PHACTR3: variants seen among roughly 807,000 people sequenced by gnomAD.
The protein encoded by PHACTR3 is protein phosphatase 1, regulatory subunit 123.
A neutral mutation model predicts 66.8 loss-of-function variants in PHACTR3; 16 were observed. The observed-to-expected ratio is 0.24, with a 90% CI of 0.16 to 0.36. PHACTR3 has a LOEUF of 0.36. PHACTR3 is among the 10% of genes least tolerant of loss of function. PHACTR3 has a pLI of 1.00. For synonymous variants in PHACTR3, 323 were observed against 292.1 expected, an observed-to-expected ratio of 1.11 and a Z score of -1.08; for missense variants, 647 against 719.9, an observed-to-expected ratio of 0.90 and a Z score of 1.16.
intron 1 of PHACTR3, among the ~76,000 whole-genome samples, chr20:59,672,121 G>A (rs186066942): frequency 7.2e-5 from 11 of 152,298 alleles, no homozygotes; most frequent in Non-Finnish European, 1.2e-4. Context: ...TTCAGTTGTC[G>A]CAGCTGGGAG....
chr20:59,749,407 T>C lies in PHACTR3; in HGVS notation c.358+1572T>C, dbSNP rs115234090. ...TTAAAGGGGAAAACTTCTAGGAGCGTTGGCTTTTTTCCACTCTGAATTTTT... is the reference window on the plus strand; with the variant it reads ...TTAAAGGGGAAAACTTCTAGGAGCGCTGGCTTTTTTCCACTCTGAATTTTT... On this transcript the variant is annotated intron_variant, in intron 3 of 12. Transcript: ENST00000371015. 8.9e-3 allele frequency among the ~76,000 whole-genome samples: 1,359 copies of C among 152,328 alleles called. 18 individuals are homozygous for C. The highest frequency in any genetic ancestry group is 0.068 in the Middle Eastern group (20 of 294).
chr20:59,724,475 C>T (rs1330477432), intron 1 of PHACTR3, among the ~76,000 whole-genome samples: 1 of 152,140 alleles, frequency 6.6e-6, no homozygotes, highest in Non-Finnish European at 1.5e-5. Context: ...TCCACAGTCT[C>T]TTTGCCTTTG....
At position 59,743,285 on chromosome 20, in the gene PHACTR3, A is replaced by G. The variant is rs767204045; in HGVS notation, c.280+17A>G. ...CAACGTCAGGTAAAGGCCTGGTGAC[A>G]GGCGCGGGCAGGCTGTGGCTGGGAC... is the stretch of plus-strand genomic sequence containing the variant. On this transcript the variant is annotated intron_variant, in intron 2 of 12. Coordinates refer to ENST00000371015, the MANE Select transcript of PHACTR3 (RefSeq NM_080672.5). 12 of 1,612,740 alleles carry G rather than the reference A, an allele frequency of 7.4e-6. No individual in the cohort carries two copies. In the South Asian group the frequency reaches 1.3e-4, roughly 18 times the overall value.
intron 1 of PHACTR3, among the ~76,000 whole-genome samples, chr20:59,668,386 A>G (rs2036070240): frequency 1.3e-5 from 2 of 152,140 alleles, no homozygotes; most frequent in Non-Finnish European, 2.9e-5. Context: ...GTACGGGGTT[A>G]GAGGTGGACA....
At chr20:59,592,588 C>A (rs547194873) in intron 1 of PHACTR3, among the ~76,000 whole-genome samples, 1 of 152,252 alleles carries the variant, frequency 6.6e-6, no homozygotes, top group African/African-American at 2.4e-5. Flanking sequence ...TGACACCTAC[C>A]CCTCATTATA....
chr20:59,602,072 T>A (rs2033492606), upstream of PHACTR3, among the ~76,000 whole-genome samples: 1 of 152,182 alleles, frequency 6.6e-6, no homozygotes, highest in Admixed American at 6.5e-5. Context: ...CCATTCTTTG[T>A]CCTTATGGTA....
intron 1 of PHACTR3, among the ~76,000 whole-genome samples, chr20:59,699,370 C>T (rs2037412253): frequency 1.3e-5 from 2 of 152,086 alleles, no homozygotes; most frequent in South Asian, 2.1e-4. Context: ...ATGCTGATAC[C>T]TCATTTACCC....
chr20:59,622,981 C>CAAAAAAGAAAAAAAAA (rs2034300610), intron 1 of PHACTR3, among the ~76,000 whole-genome samples: 1 of 32,216 alleles, frequency 3.1e-5, no homozygotes, highest in South Asian at 1.9e-3. Context: ...CAGCTTTAAC[C>CAAAAAAGAAAAAAAAA]AAAAAAAAAA....
intron 8 of PHACTR3, among the ~76,000 whole-genome samples, chr20:59,822,691 T>C (rs1329447274): frequency 1.3e-5 from 2 of 152,222 alleles, no homozygotes; most frequent in African/African-American, 4.8e-5. Flanking sequence ...GGTTTCTCTC[T>C]GACTCGGCTC....
Position 59,812,111 on chromosome 20 carries a change from G to C in PHACTR3, c.1328+5917G>C, listed in dbSNP as rs557942881. On this transcript the variant is annotated intron_variant, in intron 8 of 12. Coordinates refer to ENST00000371015, the MANE Select transcript of PHACTR3 (RefSeq NM_080672.5). Reference sequence around the variant, plus strand: ...GCGGTCACGATGCTAGTGGGCCAGGGAGTGCAGGAGCATTGCTGTTGATGG... The same window carrying C: ...GCGGTCACGATGCTAGTGGGCCAGGCAGTGCAGGAGCATTGCTGTTGATGG... Among the ~76,000 whole-genome samples the C allele has an allele frequency of 1.4e-3, 208 of 152,360 alleles. 1 individual carries two copies. The highest frequency in any genetic ancestry group is 4.9e-3 in the African/African-American group (203 of 41,584).
intron 7 of PHACTR3, among the ~76,000 whole-genome samples, chr20:59,777,238 G>A (rs1438627078): frequency 6.6e-6 from 1 of 152,196 alleles, no homozygotes; most frequent in African/African-American, 2.4e-5. Context: ...AATCCTGGAT[G>A]ATCTCCTCAT....
intron 8 of PHACTR3, among the ~76,000 whole-genome samples, chr20:59,819,478 G>A (rs2041971504): frequency 6.6e-6 from 1 of 151,676 alleles, no homozygotes; most frequent in Non-Finnish European, 1.5e-5. Flanking sequence ...AGAGGCTGCA[G>A]TGAACTATGA....
intron 8 of PHACTR3, among the ~76,000 whole-genome samples, chr20:59,812,802 G>A (rs1158015062): frequency 6.6e-6 from 1 of 152,182 alleles, no homozygotes; most frequent in Non-Finnish European, 1.5e-5. Flanking sequence ...ATCTGAGAGG[G>A]TCTGCCGTGA....
chr20:59,764,080 T>A (rs1347138959), intron 4 of PHACTR3, among the ~76,000 whole-genome samples: 1 of 152,200 alleles, frequency 6.6e-6, no homozygotes, highest in African/African-American at 2.4e-5. Context: ...AAGTCAGTGA[T>A]GCAGGCCAAG....
chr20:59,672,510 G>A (rs2036228990), intron 1 of PHACTR3, among the ~76,000 whole-genome samples: 1 of 152,316 alleles, frequency 6.6e-6, no homozygotes, highest in Admixed American at 6.5e-5. Context: ...GAATCCACCT[G>A]TGTGACTATG....
intron 1 of PHACTR3, among the ~76,000 whole-genome samples, chr20:59,715,187 C>A (rs1238199129): frequency 1.3e-5 from 2 of 151,864 alleles, no homozygotes; most frequent in Admixed American, 1.3e-4. Context: ...AAATAAAGAC[C>A]TTCTTGTCTC....
At chr20:59,655,585 C>A (rs1461997991) in intron 1 of PHACTR3, among the ~76,000 whole-genome samples, 2 of 151,818 alleles carry the variant, frequency 1.3e-5, no homozygotes, top group African/African-American at 2.4e-5. Context: ...GTTTATTGAT[C>A]CTTCAAAGAA....
chr20:59,646,526 A>G (rs1348233890), intron 1 of PHACTR3, among the ~76,000 whole-genome samples: 1 of 152,166 alleles, frequency 6.6e-6, no homozygotes, highest in East Asian at 1.9e-4. Flanking sequence ...AACGAAGTGA[A>G]AATGAAGCTT....
chr20:59,674,593 G>GT (rs1378403421), intron 1 of PHACTR3, among the ~76,000 whole-genome samples: 2 of 18,350 alleles, frequency 1.1e-4, no homozygotes, highest in Non-Finnish European at 7.7e-5. Flanking sequence ...CCCTTCTCCT[G>GT]TCCCCGCTTC....
Sources: gnomAD v4.1 joint callset for allele counts (sites outside exome capture counted in the v4.1 genomes callset) on GRCh38, gnomAD v4.1.1 for gene constraint, MANE v1.5 for transcripts, NCBI Gene and HGNC (gene_info 2026-07-23, HGNC 2026-07-21) for gene names.